PKHD1L1: variants seen among roughly 807,000 people sequenced by gnomAD.
The protein encoded by PKHD1L1 is PKHD1 like 1.
A neutral mutation model predicts 462.9 loss-of-function variants in PKHD1L1; 434 were observed. That is an observed-to-expected ratio of 0.94 (90% CI 0.87 to 1.02). PKHD1L1 has a LOEUF of 1.02. Ranked by LOEUF, PKHD1L1 falls within the 50% of genes least tolerant of loss-of-function variation. PKHD1L1 has a pLI of 0.00. For synonymous variants in PKHD1L1, 1,781 were observed against 1,750.0 expected (o/e 1.02, Z -0.44); for missense variants, 5,202 against 5,096.1 (o/e 1.02, Z -0.63).
intron 28 of PKHD1L1, among the ~76,000 whole-genome samples, chr8:109,434,828 A>G (rs1336448337): frequency 1.3e-5 from 2 of 152,178 alleles, no homozygotes; most frequent in Non-Finnish European, 2.9e-5. Flanking sequence ...AATTTCAGAC[A>G]TAATATGTTT....
At chr8:109,369,472 T>A (rs73700869) in intron 2 of PKHD1L1, among the ~76,000 whole-genome samples, 1,837 of 152,274 alleles carry the variant, frequency 0.012, 37 homozygotes, top group African/African-American at 0.041. Flanking sequence ...CTTTTTCACA[T>A]ATGCTATATA....
intron 13 of PKHD1L1, 37 bp from the exon 14 acceptor site, chr8:109,401,460 T>C: frequency 9.1e-7 from 1 of 1,099,400 alleles, no homozygotes; most frequent in Non-Finnish European, 1.4e-6. Flanking sequence ...TATTAATAAA[T>C]TCTCCCTTTT....
At chr8:109,513,532 G>T (rs559474189) in intron 71 of PKHD1L1, among the ~76,000 whole-genome samples, 2 of 152,040 alleles carry the variant, frequency 1.3e-5, no homozygotes, top group Admixed American at 6.6e-5. Flanking sequence ...TATGAAAAGA[G>T]TATGAGTTTA....
chr8:109,460,847 A>T (rs1448921615), intron 47 of PKHD1L1, among the ~76,000 whole-genome samples: 1 of 152,172 alleles, frequency 6.6e-6, no homozygotes, highest in Admixed American at 6.6e-5. Flanking sequence ...CTTATGAAGG[A>T]TCTATCTCAG....
At chr8:109,371,324 A>G (rs7460454) in intron 2 of PKHD1L1, among the ~76,000 whole-genome samples, 2 of 152,144 alleles carry the variant, frequency 1.3e-5, no homozygotes, top group African/African-American at 4.8e-5. Flanking sequence ...GTCTGTTCAT[A>G]TCCTTTGCCC....
In PKHD1L1 at chr8:109,394,485, G is replaced by A. The variant is rs893896613; in HGVS notation, c.811G>A (p.Glu271Lys). Residue 271 changes from glutamate (E) to lysine (K), a missense_variant and splice_region_variant, in exon 10 of 78, where the codon GAG becomes AAG. Coordinates refer to ENST00000378402, the MANE Select transcript of PKHD1L1 (RefSeq NM_177531.6). ...AATTGCAATGTTTCAAACATATGCAGGTATGTGACTTTTCTTTCACTCTGT... is the reference window on the plus strand; with the variant it reads ...AATTGCAATGTTTCAAACATATGCAAGTATGTGACTTTTCTTTCACTCTGT... ...NKIAMFQTYA[E>K]VTMIFPSQGS... is the part of the protein sequence containing the mutation. 6.7e-7 allele frequency: 1 copy of A among 1,495,390 alleles called. No individual in the cohort carries two copies. 92.6% of individuals were successfully genotyped at this position (1,495,390 alleles called of 1,614,324 possible).
At chr8:109,452,040 A>T in intron 41 of PKHD1L1, 84 bp from the exon 42 acceptor site, 2 of 1,259,048 alleles carry the variant, frequency 1.6e-6, no homozygotes, top group South Asian at 1.7e-5. Context: ...TTTTTGCAAT[A>T]ATACATAGGA....
chr8:109,445,260 C>A lies in PKHD1L1; in HGVS notation c.5391C>A (p.Asn1797Lys). ...QFRAIEVNEN[N>K]ITALVTPLPV... is the part of the protein sequence containing the mutation. ...GAGCAATAGAGGTTAATGAAAACAA[C>A]ATCACTGCTCTTGTGACTCCTCTCC... The change falls in exon 38 of 78, where the codon AAC becomes AAA. Residue 1797 changes from asparagine to lysine, a missense_variant. Asn to Lys is a moderately conservative substitution (Grantham distance 94). Transcript: ENST00000378402. The A allele has an allele frequency of 6.2e-7, 1 of 1,613,992 alleles. No homozygotes were observed. Among genetic ancestry groups the A allele is most frequent in the Non-Finnish European group, 8.5e-7 (1 of 1,179,880 alleles).
Position 109,469,340 on chromosome 8 carries a change from G to T in PKHD1L1, c.8605+2571G>T, listed in dbSNP as rs116222959. On this transcript the variant is annotated intron_variant, in intron 50 of 77. Transcript: ENST00000378402. ...GTTACATGGACCCAGAGACAGAGCTGTATGAAGAAGGCTGCCTGAAAGAAG... is the reference window on the plus strand; with the variant it reads ...GTTACATGGACCCAGAGACAGAGCTTTATGAAGAAGGCTGCCTGAAAGAAG... 4.4e-3 allele frequency among the ~76,000 whole-genome samples: 676 copies of T among 152,252 alleles called. 4 individuals carry two copies. Among genetic ancestry groups the T allele is most frequent in the African/African-American group, 0.015 (620 of 41,550 alleles).
At chr8:109,478,851 G>C (rs368682258) in intron 53 of PKHD1L1, among the ~76,000 whole-genome samples, 11 of 152,198 alleles carry the variant, frequency 7.2e-5, no homozygotes, top group African/African-American at 2.6e-4. Flanking sequence ...ACTGGAAATA[G>C]TTATAATTGG....
At position 109,420,655 on chromosome 8, in the gene PKHD1L1, T is replaced by C; in HGVS notation, c.2662T>C (p.Tyr888His). Reference protein sequence around the residue: ...SVTMTSYNCSYNIPMMAVSFG... With the variant: ...SVTMTSYNCSHNIPMMAVSFG... ...TACCATGACTTCATACAATTGCAGT[T>C]ACAATATACCCATGATGGCTGTGAG... The change falls in exon 23 of 78, where the codon TAC becomes CAC. Residue 888 changes from tyrosine (Y) to histidine (H), a missense_variant. Physicochemically the swap from Tyr to His is moderately conservative, Grantham distance 83. Coordinates refer to ENST00000378402, the MANE Select transcript of PKHD1L1 (RefSeq NM_177531.6). 1 of 1,604,092 alleles carries C rather than the reference T, an allele frequency of 6.2e-7. No individual in the cohort carries two copies. The highest frequency in any genetic ancestry group is 8.5e-7 in the Non-Finnish European group (1 of 1,175,828).
At chr8:109,492,356 G>A (rs73313159) in intron 62 of PKHD1L1, among the ~76,000 whole-genome samples, 1,781 of 151,728 alleles carry the variant, frequency 0.012, 41 homozygotes, top group African/African-American at 0.04. Context: ...CTACAGGCAA[G>A]GTTATTATAC....
chr8:109,434,675 G>A (rs754284205), intron 28 of PKHD1L1, among the ~76,000 whole-genome samples: 1 of 152,016 alleles, frequency 6.6e-6, no homozygotes, highest in Non-Finnish European at 1.5e-5. Context: ...CACCATGTTG[G>A]CCAAGCTGGT....
intron 46 of PKHD1L1, 112 bp downstream of exon 46, chr8:109,456,503 T>C: frequency 1.8e-6 from 2 of 1,095,488 alleles, no homozygotes; most frequent in Non-Finnish European, 2.4e-6. Flanking sequence ...TTGAAATCTC[T>C]AATAAAGAAA....
At position 109,420,648 on chromosome 8, in the gene PKHD1L1, T is replaced by C; in HGVS notation, c.2655T>C (p.Asn885=). ...NQYSVTMTSY[N]CSYNIPMMAV... is the part of the protein sequence containing the mutation. ...ATTCTGTTACCATGACTTCATACAA[T>C]TGCAGTTACAATATACCCATGATGG... Residue 885 remains asparagine (N), a synonymous_variant, in exon 23 of 78, where the codon AAT becomes AAC. Coordinates refer to ENST00000378402, the MANE Select transcript of PKHD1L1 (RefSeq NM_177531.6). 1 of 1,606,018 alleles carries C rather than the reference T, an allele frequency of 6.2e-7. No individual in the cohort carries two copies. Among genetic ancestry groups the C allele is most frequent in the Admixed American group, 1.7e-5 (1 of 58,826 alleles).
At chr8:109,476,967 ATTT>A (rs1465818983) in intron 52 of PKHD1L1, among the ~76,000 whole-genome samples, 2 of 152,134 alleles carry the variant, frequency 1.3e-5, no homozygotes, top group Non-Finnish European at 2.9e-5. Flanking sequence ...CATTTTTATT[ATTT>A]AATTATTTGG....
At chr8:109,529,969 T>C in intron 77 of PKHD1L1, 111 bp from the exon 78 acceptor site, 1 of 622,166 alleles carries the variant, frequency 1.6e-6, no homozygotes, top group Non-Finnish European at 2.4e-6. Flanking sequence ...TTGGAAATAC[T>C]GCTAACTGTA....
chr8:109,458,119 A>C (rs1816920654), intron 46 of PKHD1L1, among the ~76,000 whole-genome samples: 1 of 151,650 alleles, frequency 6.6e-6, no homozygotes. Flanking sequence ...TTATATGCTC[A>C]TTTCTTCTAT....
chr8:109,415,015 T>C (rs1814072605), intron 21 of PKHD1L1, among the ~76,000 whole-genome samples: 1 of 149,478 alleles, frequency 6.7e-6, no homozygotes, highest in Admixed American at 6.7e-5. Context: ...TTATTATTTT[T>C]GAGACAGGGT....
Sources: allele counts gnomAD v4.1 joint callset (sites outside exome capture counted in the v4.1 genomes callset), GRCh38; gene constraint gnomAD v4.1.1; transcripts MANE v1.5; gene names NCBI Gene and HGNC (gene_info 2026-07-23, HGNC 2026-07-21).